The following CPED1 variants were observed in gnomAD, a reference collection of about 807,000 sequenced individuals.
CPED1 encodes the protein cadherin-like and PC-esterase domain-containing protein 1.
CPED1 carries 114 observed loss-of-function variants against 128.2 expected under a neutral mutation model. The ratio of observed to expected loss-of-function variants is 0.89; its 90% confidence interval spans 0.76 to 1.04. The LOEUF (loss-of-function observed/expected upper bound fraction) is 1.04, where lower values mean the gene tolerates loss of function less well. CPED1 is among the 50% of genes least tolerant of loss of function. The pLI is 0.00. For missense variants in CPED1, 1,211 were observed against 1,207.1 expected, an observed-to-expected ratio of 1.00 and a Z score of -0.05; for synonymous variants, 462 against 426.7, an observed-to-expected ratio of 1.08 and a Z score of -1.02.
chr7:121,189,775 T>TATATATATATAC (rs1797091695), intron 16 of CPED1, among the ~76,000 whole-genome samples: 1 of 74,160 alleles, frequency 1.3e-5, no homozygotes. Context: ...TATATATATA[T>TATATATATATAC]ATATATATAT....
chr7:121,157,305 C>G (rs1293178483), intron 16 of CPED1, among the ~76,000 whole-genome samples: 1 of 152,154 alleles, frequency 6.6e-6, no homozygotes, highest in African/African-American at 2.4e-5. Flanking sequence ...TAAAAGCCCA[C>G]TTAATATACG....
At chr7:121,240,929 A>AGAT (rs1489118503) in intron 17 of CPED1, among the ~76,000 whole-genome samples, 1 of 152,156 alleles carries the variant, frequency 6.6e-6, no homozygotes, top group Non-Finnish European at 1.5e-5. Context: ...ACATCAACAA[A>AGAT]GATTAAACTT....
chr7:121,123,380 A>T (rs1177783868), intron 7 of CPED1, among the ~76,000 whole-genome samples: 2 of 152,156 alleles, frequency 1.3e-5, no homozygotes, highest in Non-Finnish European at 2.9e-5. Context: ...TCACTTTGCA[A>T]TCCTGTGTAG....
chr7:121,276,275 G>A (rs901403112), intron 22 of CPED1, among the ~76,000 whole-genome samples: 5 of 151,976 alleles, frequency 3.3e-5, no homozygotes, highest in Non-Finnish European at 7.4e-5. Context: ...ATAAACTAGA[G>A]CTATCTTCGA....
intron 2 of CPED1, among the ~76,000 whole-genome samples, chr7:120,992,621 T>A (rs1268679047): frequency 1.3e-5 from 2 of 152,182 alleles, no homozygotes. Flanking sequence ...AAATCATAGT[T>A]AAAGACTTCA....
intron 16 of CPED1, among the ~76,000 whole-genome samples, chr7:121,155,522 A>G (rs1282677473): frequency 6.6e-6 from 1 of 152,166 alleles, no homozygotes; most frequent in Non-Finnish European, 1.5e-5. Flanking sequence ...GTGTAGACCA[A>G]TGGAGCAGAA....
intron 20 of CPED1, 66 bp from the exon 21 acceptor site, chr7:121,267,149 T>A: frequency 1.1e-6 from 1 of 888,166 alleles, no homozygotes; most frequent in Non-Finnish European, 1.8e-6. Flanking sequence ...TTTGTTTATA[T>A]AAACAACAAA....
Position 121,100,100 on chromosome 7 carries a change from C to G in CPED1, c.918+6C>G. The G allele has an allele frequency of 6.2e-7, 1 of 1,612,606 alleles. No individual in the cohort carries two copies. The highest frequency in any genetic ancestry group is 8.5e-7 in the Non-Finnish European group (1 of 1,179,196). ...AAAAACGCTTCACTGTCAAGGTAAGCTCTCGGTTGAAGCTATTATTTCACG... is the reference window on the plus strand; with the variant it reads ...AAAAACGCTTCACTGTCAAGGTAAGGTCTCGGTTGAAGCTATTATTTCACG... On this transcript the variant is annotated splice_donor_region_variant and intron_variant, in intron 7 of 22. Transcript: ENST00000310396.
intron 7 of CPED1, among the ~76,000 whole-genome samples, chr7:121,104,801 T>A (rs1794932549): frequency 6.6e-6 from 1 of 152,124 alleles, no homozygotes; most frequent in Non-Finnish European, 1.5e-5. Context: ...TTTAACTGCA[T>A]GAAGAAATTG....
chr7:121,293,512 A>G (rs1471542163), intron 22 of CPED1, among the ~76,000 whole-genome samples: 2 of 152,012 alleles, frequency 1.3e-5, no homozygotes. Flanking sequence ...AAGGGAGTGA[A>G]CAGTTCTGTC....
At chr7:121,145,077 T>G (rs1795993243) in intron 16 of CPED1, among the ~76,000 whole-genome samples, 1 of 151,908 alleles carries the variant, frequency 6.6e-6, no homozygotes, top group Non-Finnish European at 1.5e-5. Context: ...TAACTGCATT[T>G]AAGATTTTTG....
At chr7:121,173,866 C>T (rs67991850) in intron 16 of CPED1, among the ~76,000 whole-genome samples, 52,825 of 151,842 alleles carry the variant, frequency 0.35, 9,553 homozygotes, top group Middle Eastern at 0.49. Flanking sequence ...ATAAATGTTC[C>T]TTTTTTGCCG....
intron 7 of CPED1, among the ~76,000 whole-genome samples, chr7:121,101,240 G>GT (rs1299220126): frequency 3.4e-4 from 50 of 146,448 alleles, no homozygotes; most frequent in South Asian, 6.5e-4. Context: ...CCCTTTTTTG[G>GT]TTTTTTTTTT....
Position 121,015,744 on chromosome 7 carries a change from C to G in CPED1, c.329C>G (p.Thr110Arg), listed in dbSNP as rs564333233. The G allele has an allele frequency of 6.2e-7, 1 of 1,612,030 alleles. No homozygotes were observed. The highest frequency in any genetic ancestry group is 8.5e-7 in the Non-Finnish European group (1 of 1,179,276). The change falls in exon 3 of 23, where the codon ACA (threonine) becomes AGA (arginine). Residue 110 changes from threonine (T) to arginine (R), a missense_variant. By Grantham distance (71) the Thr-to-Arg change is moderately conservative. Coordinates refer to ENST00000310396, the MANE Select transcript of CPED1 (RefSeq NM_024913.5). The stretch of plus-strand genomic sequence containing the variant: ...TACAGGCCTCCTTTCTACAGCAAAA[C>G]AGAGCTTCAGCTACACCAGCACATT... ...ILYRPPFYSKTELQLHQHILT... is the reference protein window; with the variant it reads ...ILYRPPFYSKRELQLHQHILT...
chr7:121,188,692 G>T (rs1408494221), intron 16 of CPED1, among the ~76,000 whole-genome samples: 2 of 152,102 alleles, frequency 1.3e-5, no homozygotes, highest in East Asian at 3.9e-4. Context: ...TAAGGACAAA[G>T]AGAGAAAATC....
At chr7:121,161,822 C>T (rs533583025) in intron 16 of CPED1, among the ~76,000 whole-genome samples, 3 of 152,052 alleles carry the variant, frequency 2.0e-5, no homozygotes, top group African/African-American at 7.2e-5. Context: ...TGAAGGGAAC[C>T]AGATCCATTA....
intron 2 of CPED1, chr7:120,994,223 T>C (rs1375835850): frequency 1.3e-5 from 2 of 152,534 alleles, no homozygotes; most frequent in African/African-American, 4.8e-5. Context: ...GCCTCTCTTC[T>C]TTTATATAAA....
At chr7:121,045,603 G>A (rs1396382846) in intron 3 of CPED1, among the ~76,000 whole-genome samples, 1 of 152,162 alleles carries the variant, frequency 6.6e-6, no homozygotes, top group Admixed American at 6.5e-5. Context: ...GGTATTTAAA[G>A]AAGTTGGTTA....
chr7:121,201,258 C>T (rs564481452), intron 16 of CPED1, among the ~76,000 whole-genome samples: 1 of 152,164 alleles, frequency 6.6e-6, no homozygotes. Flanking sequence ...CATGGTAACA[C>T]CCCGCTCCAC....
Sources: allele counts gnomAD v4.1 joint callset (sites outside exome capture counted in the v4.1 genomes callset), GRCh38; gene constraint gnomAD v4.1.1; transcripts MANE v1.5; gene names NCBI Gene and HGNC (gene_info 2026-07-23, HGNC 2026-07-21).